IGSF11: variants seen among roughly 807,000 people sequenced by gnomAD.
IGSF11 encodes immunoglobulin superfamily member 11.
IGSF11 carries 22 observed loss-of-function variants against 41.0 expected under a neutral mutation model. The observed-to-expected ratio is 0.54, with a 90% CI of 0.38 to 0.77. The LOEUF is 0.77. IGSF11 is among the 30% of genes least tolerant of loss of function. IGSF11 has a pLI of 0.00. For synonymous variants in IGSF11, 219 were observed against 201.3 expected (o/e 1.09, Z -0.74); for missense variants, 444 against 530.8 (o/e 0.84, Z 1.61).
At chr3:118,986,967 A>T (rs1247719505) in intron 1 of IGSF11, among the ~76,000 whole-genome samples, 1 of 152,194 alleles carries the variant, frequency 6.6e-6, no homozygotes, top group African/African-American at 2.4e-5. Context: ...GCGGTAAAGG[A>T]GAGTTATGGT....
intron 1 of IGSF11, among the ~76,000 whole-genome samples, chr3:118,962,675 T>G (rs1256389310): frequency 6.6e-6 from 1 of 151,930 alleles, no homozygotes; most frequent in African/African-American, 2.4e-5. Context: ...CACAAAAAAG[T>G]CGGCCATCAA....
chr3:119,068,927 C>CTTTTTTTTTTTTT (rs574659492), intron 1 of IGSF11, among the ~76,000 whole-genome samples: 126 of 80,982 alleles, frequency 1.6e-3, no homozygotes, highest in Middle Eastern at 7.4e-3. Context: ...TTTTTTTTTT[C>CTTTTTTTTTTTTT]TTTTTTTTTT....
intron 1 of IGSF11, among the ~76,000 whole-genome samples, chr3:119,024,557 A>C (rs1359618860): frequency 1.3e-5 from 2 of 152,210 alleles, no homozygotes; most frequent in African/African-American, 2.4e-5. Flanking sequence ...AAGAACAGCT[A>C]GGCAACACTA....
chr3:118,944,028 C>A (rs1481850418), intron 1 of IGSF11, among the ~76,000 whole-genome samples: 11 of 152,220 alleles, frequency 7.2e-5, no homozygotes, highest in Admixed American at 3.9e-4. Context: ...AATGGCTCAA[C>A]TGAAATATTT....
At chr3:118,984,453 T>G (rs1935057558) in intron 1 of IGSF11, among the ~76,000 whole-genome samples, 1 of 152,124 alleles carries the variant, frequency 6.6e-6, no homozygotes, top group Admixed American at 6.5e-5. Context: ...GCCAGAACAT[T>G]AAAGAGGTTT....
chr3:119,136,161 A>G (rs1184203618), intron 1 of IGSF11, among the ~76,000 whole-genome samples: 1 of 152,148 alleles, frequency 6.6e-6, no homozygotes, highest in Non-Finnish European at 1.5e-5. Context: ...ATGTATACCT[A>G]TGTAACAAAC....
At chr3:119,012,125 T>A (rs148072406) in intron 1 of IGSF11, among the ~76,000 whole-genome samples, 2 of 151,884 alleles carry the variant, frequency 1.3e-5, no homozygotes, top group African/African-American at 4.8e-5. Flanking sequence ...CCAGGAAGCA[T>A]AAGATAGAAA....
chr3:118,911,693 T>G (rs1008115469), intron 4 of IGSF11, among the ~76,000 whole-genome samples: 13 of 142,098 alleles, frequency 9.1e-5, no homozygotes, highest in South Asian at 2.3e-4. Flanking sequence ...AGAGAAGAGA[T>G]AGAAAGTGAG....
intron 1 of IGSF11, among the ~76,000 whole-genome samples, chr3:118,956,059 T>C (rs1038961385): frequency 9.9e-5 from 15 of 152,234 alleles, no homozygotes; most frequent in Admixed American, 2.6e-4. Flanking sequence ...TTTCATGTTA[T>C]GAAGACAACT....
At chr3:119,010,333 G>A (rs1290493041) in intron 1 of IGSF11, among the ~76,000 whole-genome samples, 4 of 152,230 alleles carry the variant, frequency 2.6e-5, no homozygotes, top group Admixed American at 2.0e-4. Flanking sequence ...AATACCACAA[G>A]AAGGAGAAAA....
At chr3:118,997,908 T>C (rs1483962178) in intron 1 of IGSF11, among the ~76,000 whole-genome samples, 3 of 152,206 alleles carry the variant, frequency 2.0e-5, no homozygotes, top group African/African-American at 7.2e-5. Flanking sequence ...TCCAGGTTTC[T>C]AATAAGTAAC....
chr3:118,948,971 C>CAA (rs397874586), intron 1 of IGSF11, among the ~76,000 whole-genome samples: 880 of 87,488 alleles, frequency 0.01, 16 homozygotes, highest in African/African-American at 0.03. Flanking sequence ...GACTCCGTCT[C>CAA]AAAAAAAAAA....
intron 1 of IGSF11, among the ~76,000 whole-genome samples, chr3:119,073,587 G>A (rs1449731836): frequency 6.6e-6 from 1 of 152,220 alleles, no homozygotes; most frequent in Non-Finnish European, 1.5e-5. Context: ...TTCTAGTGCA[G>A]TGCCGGTGGG....
chr3:118,963,746 A>G (rs1289071315), intron 1 of IGSF11, among the ~76,000 whole-genome samples: 1 of 152,206 alleles, frequency 6.6e-6, no homozygotes, highest in African/African-American at 2.4e-5. Flanking sequence ...TTATCTATAT[A>G]TAGAAATAAA....
rs1253716413 is a variant in IGSF11, at chr3:118,926,275, G to C, written c.425-19C>G. 6.4e-7 allele frequency: 1 copy of C among 1,555,636 alleles called. No individual in the cohort carries two copies. ...GGGGGAACTATAACAGGAAGAATAA[G>C]CAATAAAGTACACATTTTACTGTGA... On this transcript the variant is annotated intron_variant, in intron 3 of 6. Transcript: ENST00000393775.
chr3:118,931,965 C>T (rs747282771), intron 1 of IGSF11, among the ~76,000 whole-genome samples: 5 of 152,096 alleles, frequency 3.3e-5, no homozygotes, highest in African/African-American at 4.8e-5. Context: ...GATCTCCTGA[C>T]CTCGTGATCT....
intron 1 of IGSF11, among the ~76,000 whole-genome samples, chr3:119,052,992 AC>A (rs150506661): frequency 0.011 from 1,618 of 152,318 alleles, 19 homozygotes; most frequent in Middle Eastern, 0.02. Context: ...CAAGGGACAT[AC>A]CTAACTGTAA....
chr3:119,119,795 CA>C (rs2077308661), intron 1 of IGSF11, among the ~76,000 whole-genome samples: 1 of 152,094 alleles, frequency 6.6e-6, no homozygotes, highest in Admixed American at 6.6e-5. Flanking sequence ...AGGCAATTAT[CA>C]AAACAATAGC....
intron 1 of IGSF11, among the ~76,000 whole-genome samples, chr3:118,973,212 C>G (rs1933657605): frequency 6.6e-6 from 1 of 152,126 alleles, no homozygotes; most frequent in Admixed American, 6.5e-5. Flanking sequence ...TAGCACATGC[C>G]AAGCTCAGCA....
Sources: allele counts gnomAD v4.1 joint callset (sites outside exome capture counted in the v4.1 genomes callset), GRCh38; gene constraint gnomAD v4.1.1; transcripts MANE v1.5; gene names NCBI Gene and HGNC (gene_info 2026-07-23, HGNC 2026-07-21).